Variants in CAGE1 observed in about 807,000 individuals in gnomAD.
CAGE1 encodes cancer antigen 1.
A neutral mutation model predicts 94.9 loss-of-function variants in CAGE1; 66 were observed. The ratio of observed to expected loss-of-function variants is 0.70; its 90% CI spans 0.57 to 0.85. The LOEUF (loss-of-function observed/expected upper bound fraction) is 0.85, where lower values mean the gene tolerates loss of function less well. Among genes scored for constraint, CAGE1 ranks in the 40% least tolerant of loss-of-function variants. The pLI is 0.00. For missense variants in CAGE1, 865 were observed against 950.4 expected, an observed-to-expected ratio of 0.91 and a Z score of 1.18; for synonymous variants, 319 against 321.0, an observed-to-expected ratio of 0.99 and a Z score of 0.07.
At chr6:7,369,318 CTTAA>C in intron 6 of CAGE1, among the ~76,000 whole-genome samples, 1 of 151,912 alleles carries the variant, frequency 6.6e-6, no homozygotes, top group Non-Finnish European at 1.5e-5. Flanking sequence ...GTGCATGTCC[CTTAA>C]TTGTTTTTTT....
At chr6:7,344,013 T>G (rs1304762018) in intron 11 of CAGE1, among the ~76,000 whole-genome samples, 1 of 152,238 alleles carries the variant, frequency 6.6e-6, no homozygotes, top group Admixed American at 6.5e-5. Flanking sequence ...CAGACAGATC[T>G]GGACTTAAGT....
chr6:7,369,313 T>C (rs1760463221), intron 6 of CAGE1, among the ~76,000 whole-genome samples: 1 of 152,052 alleles, frequency 6.6e-6, no homozygotes, highest in South Asian at 2.1e-4. Flanking sequence ...TGGCCGTGCA[T>C]GTCCCTTAAT....
At chr6:7,360,811 G>A (rs1341519927) in intron 9 of CAGE1, among the ~76,000 whole-genome samples, 1 of 152,210 alleles carries the variant, frequency 6.6e-6, no homozygotes, top group African/African-American at 2.4e-5. Flanking sequence ...GCCAGGTGGG[G>A]TAGTGCACGC....
At chr6:7,372,158 A>G (rs975576764) in intron 5 of CAGE1, among the ~76,000 whole-genome samples, 1 of 152,132 alleles carries the variant, frequency 6.6e-6, no homozygotes, top group Non-Finnish European at 1.5e-5. Context: ...TTGAGAGACA[A>G]CTTAGAAAAT....
intron 7 of CAGE1, among the ~76,000 whole-genome samples, chr6:7,367,023 T>C (rs1037055668): frequency 1.3e-5 from 2 of 152,180 alleles, no homozygotes; most frequent in African/African-American, 4.8e-5. Context: ...TGCAAAATAT[T>C]TTTTATTCTT....
At chr6:7,386,715 TA>T (rs1761132850) in intron 2 of CAGE1, among the ~76,000 whole-genome samples, 1 of 152,172 alleles carries the variant, frequency 6.6e-6, no homozygotes, top group Non-Finnish European at 1.5e-5. Context: ...GCCTCCAGAG[TA>T]GCTGGGATTA....
intron 12 of CAGE1, chr6:7,331,481 T>C (rs1758751940): frequency 2.2e-6 from 1 of 445,090 alleles, no homozygotes; most frequent in East Asian, 5.1e-5. Context: ...TTGCAGTGCC[T>C]GCACCGTTAC....
At chr6:7,359,248 T>C (rs1313968173) in intron 9 of CAGE1, among the ~76,000 whole-genome samples, 1 of 152,190 alleles carries the variant, frequency 6.6e-6, no homozygotes, top group East Asian at 1.9e-4. Context: ...GATTTCACCA[T>C]GTTGGTCAGG....
rs541884376 is a variant in CAGE1 at position 7,351,619 on chromosome 6, G to A, written c.2369+3422C>T. Among the ~76,000 whole-genome samples the A allele has an allele frequency of 6.0e-4, 88 of 145,818 alleles. No individual in the cohort carries two copies. The Middle Eastern group carries it at 0.011, about 18-fold the overall frequency. On this transcript the variant is annotated intron_variant, in intron 11 of 13. Coordinates refer to ENST00000502583, the MANE Select transcript of CAGE1 (RefSeq NM_001170692.2). ...ACTGCTATCCCTGATGAACACAGAC[G>A]CTAAACTCCTTAACAAAATACTAGC... is the stretch of plus-strand genomic sequence containing the variant.
At chr6:7,366,847 G>T (rs1474909341) in intron 7 of CAGE1, among the ~76,000 whole-genome samples, 1 of 151,926 alleles carries the variant, frequency 6.6e-6, no homozygotes, top group African/African-American at 2.4e-5. Context: ...TCTCCAAGGA[G>T]TTATCCTAAC....
chr6:7,339,201 G>A lies in CAGE1; in HGVS notation c.2370-5111C>T, dbSNP rs879225645. 2 of 1,525,016 alleles carry A rather than the reference G, an allele frequency of 1.3e-6. No individual in the cohort carries two copies. Among genetic ancestry groups the A allele is most frequent in the African/African-American group, 1.4e-5 (1 of 73,192 alleles). 94.5% of individuals were successfully genotyped at this position (1,525,016 alleles called of 1,614,324 possible). On this transcript the variant is annotated intron_variant, in intron 11 of 13. Transcript: ENST00000502583. The surrounding 1 kb of genome is among the most constrained non-coding windows in gnomAD (Gnocchi z 4.7). ...GGCCCCAGTTTCCATGATGAACCGCGACACACCATAGCAGGCCCTCCGCAC... is the reference window on the plus strand; with the variant it reads ...GGCCCCAGTTTCCATGATGAACCGCAACACACCATAGCAGGCCCTCCGCAC...
In CAGE1 at chr6:7,339,305, A is replaced by C. The variant is rs1759081337; in HGVS notation, c.2370-5215T>G. 6.3e-7 allele frequency: 1 copy of C among 1,583,310 alleles called. No individual in the cohort carries two copies. The highest frequency in any genetic ancestry group is 1.3e-5 in the African/African-American group (1 of 74,378). ...ACAGACCCCTAGTGGCCACCTCTTC[A>C]GCATAAAGCTCTACACTGCCCTCTG... On this transcript the variant is annotated intron_variant, in intron 11 of 13. Transcript: ENST00000502583. This position sits in a 1 kb window ranked among gnomAD's most constrained non-coding sequence, Gnocchi z 4.7.
intron 7 of CAGE1, among the ~76,000 whole-genome samples, chr6:7,366,889 A>G (rs1177441421): frequency 6.6e-6 from 1 of 151,862 alleles, no homozygotes; most frequent in Non-Finnish European, 1.5e-5. Flanking sequence ...AGGCTATTAA[A>G]ATTTTTCCTT....
intron 4 of CAGE1, among the ~76,000 whole-genome samples, chr6:7,376,633 T>C (rs1271949612): frequency 6.6e-6 from 1 of 152,034 alleles, no homozygotes; most frequent in East Asian, 1.9e-4. Context: ...CAAGATGAAA[T>C]GAACTAAAGC....
chr6:7,333,621 TCTAA>T (rs1250830464), intron 12 of CAGE1, among the ~76,000 whole-genome samples: 6,048 of 131,630 alleles, frequency 0.046, 254 homozygotes, highest in African/African-American at 0.11. Context: ...TTAAGTATTA[TCTAA>T]CTATCTATCT....
chr6:7,354,576 T>A (rs1390231517), intron 11 of CAGE1, among the ~76,000 whole-genome samples: 1 of 152,172 alleles, frequency 6.6e-6, no homozygotes, highest in African/African-American at 2.4e-5. Flanking sequence ...TAGAAACAAG[T>A]ATAATGAATA....
rs752623297 is a variant in CAGE1 at position 7,369,959 on chromosome 6, T to C, written c.1853A>G (p.His618Arg). ...TCCCACCATCAGAGCCAGAAGACTGTGCATTTTGGAGGCCAGCTGAGAAGC... is the reference window on the plus strand; with the variant it reads ...TCCCACCATCAGAGCCAGAAGACTGCGCATTTTGGAGGCCAGCTGAGAAGC... ...KRASQLASKM[H>R]SLLALMVGLL... is the part of the protein sequence containing the mutation. Residue 618 changes from histidine (H) to arginine (R), a missense_variant, in exon 6 of 14, where the codon CAC (histidine) becomes CGC (arginine). Transcript: ENST00000502583. The C allele has an allele frequency of 1.5e-5, 25 of 1,613,696 alleles. No individual in the cohort carries two copies. Among genetic ancestry groups the C allele is most frequent in the Non-Finnish European group, 1.9e-5 (23 of 1,179,820 alleles).
At position 7,368,790 on chromosome 6, in the gene CAGE1, G is replaced by A. The variant is rs1229688787; in HGVS notation, c.1902C>T (p.Ile634=). The change falls in exon 7 of 14, where the codon ATC becomes ATT. Residue 634 remains isoleucine, a synonymous_variant. Coordinates refer to ENST00000502583, the MANE Select transcript of CAGE1 (RefSeq NM_001170692.2). The part of the protein sequence containing the change: ...MVGLLTCQDI[I]NSDAEHFKES... ...CTTTGAAATGTTCAGCATCAGAATTGATGATGTCCTAAGGGTAAGAGTTTC... is the reference window on the plus strand; with the variant it reads ...CTTTGAAATGTTCAGCATCAGAATTAATGATGTCCTAAGGGTAAGAGTTTC... 6.5e-7 allele frequency: 1 copy of A among 1,538,264 alleles called. No individual in the cohort carries two copies. The highest frequency in any genetic ancestry group is 2.4e-5 in the East Asian group (1 of 41,382).
In CAGE1 at chr6:7,385,776, G is replaced by C. The variant is rs1021610865; in HGVS notation, c.283+9C>G. 3.3e-6 allele frequency: 5 copies of C among 1,498,444 alleles called. No individual in the cohort carries two copies. In the Admixed American group the frequency reaches 8.9e-5, roughly 27 times the overall value. 92.8% of individuals were successfully genotyped at this position (1,498,444 alleles called of 1,614,324 possible). ...CTCTTTTGCATATTGCTAACAAGTAGATACTTACCATTTAACAAATTGTCT... is the reference window on the plus strand; with the variant it reads ...CTCTTTTGCATATTGCTAACAAGTACATACTTACCATTTAACAAATTGTCT... On this transcript the variant is annotated intron_variant, in intron 3 of 13. Transcript: ENST00000502583.
Sources: allele counts gnomAD v4.1 joint callset (sites outside exome capture counted in the v4.1 genomes callset), GRCh38; gene constraint gnomAD v4.1.1; non-coding constraint Gnocchi (gnomAD v3.1); transcripts MANE v1.5; gene names NCBI Gene and HGNC (gene_info 2026-07-23, HGNC 2026-07-21).